SGCZ: variants seen among roughly 807,000 people sequenced by gnomAD.
SGCZ encodes zeta-sarcoglycan.
A neutral mutation model predicts 41.3 loss-of-function variants in SGCZ; 40 were observed. The observed-to-expected ratio is 0.97, with a 90% CI of 0.75 to 1.26. SGCZ has a LOEUF of 1.26. Among genes scored for constraint, SGCZ ranks in the 50% most tolerant of loss-of-function variants. SGCZ has a pLI of 0.00. For missense variants in SGCZ, 552 were observed against 369.8 expected (o/e 1.49, Z -4.04); for synonymous variants, 206 against 137.5 (o/e 1.50, Z -3.49).
chr8:14,182,932 C>A (rs140711854), intron 4 of SGCZ, among the ~76,000 whole-genome samples: 4,549 of 149,894 alleles, frequency 0.03, 228 homozygotes, highest in African/African-American at 0.1. Context: ...ATCGCTTGAA[C>A]CCAGGAGGCA....
At chr8:14,478,209 T>G (rs1222867853) in intron 2 of SGCZ, among the ~76,000 whole-genome samples, 1 of 152,218 alleles carries the variant, frequency 6.6e-6, no homozygotes, top group African/African-American at 2.4e-5. Flanking sequence ...CCCAATGAAG[T>G]TAAAAACAGG....
At chr8:15,098,990 G>A (rs1270633115) in intron 1 of SGCZ, among the ~76,000 whole-genome samples, 1 of 151,840 alleles carries the variant, frequency 6.6e-6, no homozygotes, top group Non-Finnish European at 1.5e-5. Flanking sequence ...CCTGGGAGAC[G>A]GAGGTTGTAC....
In SGCZ at chr8:15,183,975, G is replaced by GA. The variant is rs149413489; in HGVS notation, c.39+53609dup. On this transcript the variant is annotated intron_variant, in intron 1 of 7. Coordinates refer to ENST00000382080, the MANE Select transcript of SGCZ (RefSeq NM_139167.4). ...CAAAGAGAAGGAAGAATTATTGTAA[G>GA]AAAGAATGATGTACAAACTACTTAG... 7.7e-3 allele frequency among the ~76,000 whole-genome samples: 1,169 copies of GA among 152,274 alleles called. 13 individuals carry two copies. Among genetic ancestry groups the GA allele is most frequent in the African/African-American group, 0.025 (1,029 of 41,576 alleles).
chr8:14,309,230 G>C, intron 3 of SGCZ: 1 of 1,514,538 alleles, frequency 6.6e-7, no homozygotes, highest in Non-Finnish European at 9.2e-7. Context: ...TACTGTTGAA[G>C]ACTTCTGGGC....
chr8:14,615,546 A>G (rs1394393366), intron 1 of SGCZ, among the ~76,000 whole-genome samples: 1 of 152,252 alleles, frequency 6.6e-6, no homozygotes, highest in Non-Finnish European at 1.5e-5. Context: ...GAATATAGTA[A>G]GAAAAAATAC....
At chr8:14,342,954 T>A (rs1164918255) in intron 2 of SGCZ, among the ~76,000 whole-genome samples, 2 of 152,074 alleles carry the variant, frequency 1.3e-5, no homozygotes, top group Non-Finnish European at 2.9e-5. Flanking sequence ...GGGCTGTGTG[T>A]GCAGCCTAGG....
intron 3 of SGCZ, 47 bp downstream of exon 3, chr8:14,324,055 TA>T: frequency 7.5e-7 from 1 of 1,336,678 alleles, no homozygotes; most frequent in Admixed American, 1.8e-5. Context: ...AGCTAAAACA[TA>T]ACCTCTAAAT....
intron 2 of SGCZ, among the ~76,000 whole-genome samples, chr8:14,440,907 G>A (rs192914489): frequency 2.1e-4 from 32 of 151,758 alleles, no homozygotes; most frequent in Admixed American, 5.9e-4. Context: ...AGGGGTTTAC[G>A]TAAATTTCAT....
intron 3 of SGCZ, among the ~76,000 whole-genome samples, chr8:14,256,041 T>G (rs1156328061): frequency 1.3e-5 from 2 of 152,124 alleles, no homozygotes; most frequent in Admixed American, 1.3e-4. Context: ...TAAAACTAAG[T>G]GATTGCTTGA....
At chr8:15,040,525 G>A (rs190130100) in intron 1 of SGCZ, among the ~76,000 whole-genome samples, 235 of 152,236 alleles carry the variant, frequency 1.5e-3, no homozygotes, top group Middle Eastern at 0.01. Flanking sequence ...GCTAAGGCAG[G>A]AGAATCGCTT....
chr8:14,449,386 A>T (rs890352244), intron 2 of SGCZ, among the ~76,000 whole-genome samples: 12 of 152,294 alleles, frequency 7.9e-5, no homozygotes, highest in African/African-American at 2.9e-4. Context: ...TGACTTTTCT[A>T]GACCTGGATC....
intron 2 of SGCZ, among the ~76,000 whole-genome samples, chr8:14,404,825 G>A (rs185608439): frequency 3.0e-4 from 46 of 152,258 alleles, no homozygotes; most frequent in African/African-American, 1.1e-3. Flanking sequence ...CAAAGCCCAC[G>A]CGTTTCCAGT....
At chr8:14,165,123 G>A (rs1003262170) in intron 4 of SGCZ, 2 of 156,200 alleles carry the variant, frequency 1.3e-5, no homozygotes, top group Admixed American at 6.3e-5. Context: ...ACCCATGCTT[G>A]CTACATCACG....
chr8:14,873,862 C>A (rs143919875), intron 1 of SGCZ, among the ~76,000 whole-genome samples: 2 of 152,254 alleles, frequency 1.3e-5, no homozygotes, highest in Non-Finnish European at 2.9e-5. Flanking sequence ...AGATTGATTT[C>A]TCTAAATTAT....
chr8:15,058,053 G>C (rs1373525381), intron 1 of SGCZ, among the ~76,000 whole-genome samples: 2 of 152,040 alleles, frequency 1.3e-5, no homozygotes, highest in African/African-American at 4.8e-5. Flanking sequence ...AGTAAAACAA[G>C]GAAATTGAAT....
At chr8:14,975,991 T>C (rs1214531500) in intron 1 of SGCZ, among the ~76,000 whole-genome samples, 2 of 107,538 alleles carry the variant, frequency 1.9e-5, no homozygotes, top group East Asian at 2.6e-4. Context: ...TGTGTGTATA[T>C]ATATATATAC....
chr8:15,027,640 A>G (rs536695320), intron 1 of SGCZ, among the ~76,000 whole-genome samples: 2 of 152,234 alleles, frequency 1.3e-5, no homozygotes, highest in South Asian at 2.1e-4. Context: ...ATTGCAAGAT[A>G]TAAAATTGTG....
At chr8:14,963,997 T>A (rs1422857820) in intron 1 of SGCZ, among the ~76,000 whole-genome samples, 1 of 152,170 alleles carries the variant, frequency 6.6e-6, no homozygotes, top group East Asian at 1.9e-4. Flanking sequence ...GTCACAAGCG[T>A]AAATAAAACC....
At chr8:14,645,326 T>A (rs1439757784) in intron 1 of SGCZ, among the ~76,000 whole-genome samples, 1 of 151,044 alleles carries the variant, frequency 6.6e-6, no homozygotes, top group Non-Finnish European at 1.5e-5. Flanking sequence ...ATTTTTTAAA[T>A]TTTTACCATT....
Sources: gnomAD v4.1 joint callset for allele counts (sites outside exome capture counted in the v4.1 genomes callset) on GRCh38, gnomAD v4.1.1 for gene constraint, MANE v1.5 for transcripts, NCBI Gene and HGNC (gene_info 2026-07-23, HGNC 2026-07-21) for gene names.